The following DLG2 variants were observed in gnomAD, a reference collection of about 807,000 sequenced individuals.
DLG2 encodes disks large homolog 2.
DLG2 carries 45 observed loss-of-function variants against 132.5 expected under a neutral mutation model. The observed-to-expected ratio is 0.34, with a 90% CI of 0.27 to 0.44. The LOEUF (loss-of-function observed/expected upper bound fraction) is 0.44. Among genes scored for constraint, DLG2 ranks in the 20% least tolerant of loss-of-function variants. The pLI, the probability that DLG2 is intolerant of heterozygous loss-of-function variation, is 1.00. For synonymous variants in DLG2, 424 were observed against 419.6 expected, an observed-to-expected ratio of 1.01 and a Z score of -0.13; for missense variants, 1,045 against 1,196.9, an observed-to-expected ratio of 0.87 and a Z score of 1.87.
intron 4 of DLG2, among the ~76,000 whole-genome samples, chr11:85,174,966 A>G (rs565762977): frequency 6.6e-6 from 1 of 152,062 alleles, no homozygotes; most frequent in Non-Finnish European, 1.5e-5. Flanking sequence ...GAAATTGAGG[A>G]AGGAATAAAT....
chr11:84,157,330 A>G lies in DLG2; in HGVS notation c.624+6131T>C, dbSNP rs1308733609. 9.9e-5 allele frequency among the ~76,000 whole-genome samples: 15 copies of G among 152,192 alleles called. 1 individual carries two copies. The highest frequency in any genetic ancestry group is 8.5e-4 in the Admixed American group (13 of 15,280). ...TATACATAAATGAATATATTTGTAT[A>G]ATACTTGTGAATTTTTATTTAGCAT... On this transcript the variant is annotated intron_variant, in intron 9 of 27. Coordinates refer to ENST00000376104, the MANE Select transcript of DLG2 (RefSeq NM_001142699.3).
At chr11:84,829,143 T>A (rs999107852) in intron 6 of DLG2, among the ~76,000 whole-genome samples, 1 of 151,622 alleles carries the variant, frequency 6.6e-6, no homozygotes, top group Non-Finnish European at 1.5e-5. Context: ...TTATGGTAGA[T>A]TATTGTAATT....
intron 18 of DLG2, among the ~76,000 whole-genome samples, chr11:83,683,674 C>T (rs188982816): frequency 4.5e-4 from 68 of 152,170 alleles, no homozygotes; most frequent in Non-Finnish European, 7.5e-4. Context: ...AAATATAGTG[C>T]CTAGTTTATA....
intron 6 of DLG2, chr11:84,546,561 G>T: frequency 2.6e-6 from 1 of 390,830 alleles, no homozygotes; most frequent in South Asian, 2.3e-5. Context: ...ACTAGTCTTT[G>T]AGAATCTCCT....
intron 3 of DLG2, among the ~76,000 whole-genome samples, chr11:85,562,038 C>T (rs934356404): frequency 6.6e-6 from 1 of 151,680 alleles, no homozygotes; most frequent in Non-Finnish European, 1.5e-5. Context: ...TATACTTAAC[C>T]ACAGAACTAT....
intron 6 of DLG2, among the ~76,000 whole-genome samples, chr11:84,963,115 T>C (rs1281659372): frequency 6.6e-6 from 1 of 152,186 alleles, no homozygotes; most frequent in Non-Finnish European, 1.5e-5. Context: ...AAATGTCTAA[T>C]TACCTTTCAC....
chr11:85,287,315 G>A (rs1023665102), intron 3 of DLG2, among the ~76,000 whole-genome samples: 7 of 151,928 alleles, frequency 4.6e-5, no homozygotes, highest in South Asian at 4.2e-4. Context: ...AATACAAATC[G>A]CAAAGAAAAA....
In DLG2 at chr11:85,432,019, C is replaced by G. The variant is rs534750177; in HGVS notation, c.41-146654G>C. 4.7e-4 allele frequency among the ~76,000 whole-genome samples: 71 copies of G among 152,258 alleles called. 1 individual carries two copies. Among genetic ancestry groups the G allele is most frequent in the African/African-American group, 1.6e-3 (65 of 41,556 alleles). On this transcript the variant is annotated intron_variant, in intron 3 of 27. Transcript: ENST00000376104. Reference sequence around the variant, plus strand: ...CAAGTGACATCTCCAGGCACAGGAGCAAAATAAATGAATAGGGCCTGGAGC... The same window carrying G: ...CAAGTGACATCTCCAGGCACAGGAGGAAAATAAATGAATAGGGCCTGGAGC...
At chr11:85,262,123 G>C (rs540960825) in intron 4 of DLG2, among the ~76,000 whole-genome samples, 2 of 152,266 alleles carry the variant, frequency 1.3e-5, no homozygotes, top group South Asian at 2.1e-4. Context: ...ATTTAGAAGA[G>C]CTGCAACAGA....
intron 6 of DLG2, among the ~76,000 whole-genome samples, chr11:84,544,414 A>C (rs2154522748): frequency 6.6e-6 from 1 of 152,316 alleles, no homozygotes; most frequent in South Asian, 2.1e-4. Flanking sequence ...TAATTCTCTC[A>C]AGAATTGGAT....
At chr11:84,727,703 C>T (rs2062656531) in intron 6 of DLG2, among the ~76,000 whole-genome samples, 1 of 152,010 alleles carries the variant, frequency 6.6e-6, no homozygotes. Context: ...TGGCCATTTT[C>T]CCAATATTGA....
At chr11:84,669,840 T>C (rs752127230) in intron 6 of DLG2, among the ~76,000 whole-genome samples, 2 of 152,190 alleles carry the variant, frequency 1.3e-5, no homozygotes, top group African/African-American at 2.4e-5. Flanking sequence ...TTCCTTTGCA[T>C]GCTGGCAGAG....
At chr11:84,520,456 T>A (rs2099293136) in intron 7 of DLG2, among the ~76,000 whole-genome samples, 1 of 152,194 alleles carries the variant, frequency 6.6e-6, no homozygotes, top group African/African-American at 2.4e-5. Flanking sequence ...TAGCATAGTG[T>A]AGAATTGTCA....
chr11:85,459,087 T>A (rs909734866), intron 3 of DLG2, among the ~76,000 whole-genome samples: 3 of 152,178 alleles, frequency 2.0e-5, no homozygotes, highest in African/African-American at 4.8e-5. Context: ...GGAGACAGAC[T>A]GGCCTCTTCT....
intron 2 of DLG2, among the ~76,000 whole-genome samples, chr11:85,608,059 G>A (rs2080718231): frequency 2.6e-5 from 4 of 152,256 alleles, no homozygotes; most frequent in Middle Eastern, 6.8e-3. Flanking sequence ...CACTAAATCC[G>A]ACCTTCCTTG....
chr11:84,443,070 C>G (rs948580343), intron 7 of DLG2, among the ~76,000 whole-genome samples: 3 of 152,032 alleles, frequency 2.0e-5, no homozygotes, highest in Non-Finnish European at 2.9e-5. Context: ...AAATAATAAA[C>G]CCACTAACTC....
Position 85,220,548 on chromosome 11 carries a change from GTCATTGCAAGA to G in DLG2, c.186+64661_186+64671del, listed in dbSNP as rs2152603691. On this transcript the variant is annotated intron_variant, in intron 4 of 27. Coordinates refer to ENST00000376104, the MANE Select transcript of DLG2 (RefSeq NM_001142699.3). ...TCCTCTCTCCACTACCAACTAAATAGTCATTGCAAGATGCCATGTTCCTAGTTTCTACATAG... is the reference window on the plus strand; with the variant it reads ...TCCTCTCTCCACTACCAACTAAATAGTGCCATGTTCCTAGTTTCTACATAG... 2.0e-5 allele frequency among the ~76,000 whole-genome samples: 3 copies of G among 151,604 alleles called. No individual in the cohort carries two copies. The East Asian group carries it at 5.8e-4, about 29-fold the overall frequency.
At chr11:83,940,035 T>C (rs1442025150) in intron 14 of DLG2, among the ~76,000 whole-genome samples, 3 of 151,964 alleles carry the variant, frequency 2.0e-5, no homozygotes, top group Non-Finnish European at 2.9e-5. Context: ...TTCCATTTAG[T>C]CTTCTGTGCC....
At chr11:83,963,965 T>C (rs2154158299) in intron 13 of DLG2, among the ~76,000 whole-genome samples, 1 of 152,144 alleles carries the variant, frequency 6.6e-6, no homozygotes, top group East Asian at 1.9e-4. Context: ...ATAACATTTA[T>C]ATTCACCTCT....
Sources: allele counts gnomAD v4.1 joint callset (sites outside exome capture counted in the v4.1 genomes callset), GRCh38; gene constraint gnomAD v4.1.1; transcripts MANE v1.5; gene names NCBI Gene and HGNC (gene_info 2026-07-23, HGNC 2026-07-21).